PLPPR3: variants seen among roughly 807,000 people sequenced by gnomAD.
PLPPR3 encodes phospholipid phosphatase-related protein type 3.
PLPPR3 carries 14 observed loss-of-function variants against 27.3 expected under a neutral mutation model. The observed-to-expected ratio is 0.51, with a 90% CI of 0.34 to 0.80. The LOEUF (loss-of-function observed/expected upper bound fraction) is 0.80, where lower values mean the gene tolerates loss of function less well. Ranked by LOEUF, PLPPR3 falls within the 30% of genes least tolerant of loss-of-function variation. PLPPR3 has a pLI of 0.01. For synonymous variants in PLPPR3, 671 were observed against 508.0 expected (o/e 1.32, Z -4.32); for missense variants, 1,287 against 1,056.9 (o/e 1.22, Z -3.02).
rs369834825 is a variant in PLPPR3 at position 815,270 on chromosome 19, C to G, written c.319G>C (p.Gly107Arg). The change falls in exon 4 of 8, where the codon GGG becomes CGG. Residue 107 changes from glycine to arginine, a missense_variant. Transcript: ENST00000520876. ...CTGCCCTCCGCCCCGGCGGGCCCCC[C>G]GGCACGGCCCCACAGCCGGGACTGC... is the stretch of plus-strand genomic sequence containing the variant. ...CLQSRLWGRA[G>R]GPAGAEGSIN... 3.1e-5 allele frequency: 49 copies of G among 1,558,926 alleles called. No homozygotes were observed. The highest frequency in any genetic ancestry group is 1.7e-4 in the Middle Eastern group (1 of 5,998).
intron 2 of PLPPR3, among the ~76,000 whole-genome samples, chr19:816,829 C>T (rs896050768): frequency 6.6e-6 from 1 of 151,480 alleles, no homozygotes; most frequent in African/African-American, 2.4e-5. Flanking sequence ...CATCCATCAC[C>T]TAGCCATTCA....
intron 2 of PLPPR3, among the ~76,000 whole-genome samples, chr19:820,535 T>C (rs200391719): frequency 4.0e-5 from 6 of 148,202 alleles, no homozygotes; most frequent in African/African-American, 1.0e-4. Flanking sequence ...TTTTTTTTTT[T>C]CTAAGACAGG....
rs140837550 is a variant in PLPPR3, at chr19:815,199, C to T, written c.390G>A (p.Thr130=). Residue 130 remains threonine, a synonymous_variant, in exon 4 of 8, where the codon ACG becomes ACA. Transcript: ENST00000520876. ...GCNFNSFLRR[T]VRFVGVHVFG... ...CCCGCAACTCACCCACAAACCGCAC[C>T]GTACGCCGCAGGAAGGAGTTGAAGT... 124 of 1,603,650 alleles carry T rather than the reference C, an allele frequency of 7.7e-5. No individual in the cohort carries two copies. The African/African-American group carries it at 1.1e-3, about 14-fold the overall frequency.
intron 2 of PLPPR3, among the ~76,000 whole-genome samples, chr19:818,120 C>T (rs777469248): frequency 1.3e-5 from 2 of 152,200 alleles, no homozygotes; most frequent in Non-Finnish European, 2.9e-5. Flanking sequence ...CGGTGGCTCA[C>T]GCCTGTCATC....
Position 813,047 on chromosome 19 carries a change from G to A in PLPPR3, c.1680C>T (p.Ser560=), listed in dbSNP as rs556216289. 5.1e-5 allele frequency: 77 copies of A among 1,509,038 alleles called. No individual in the cohort carries two copies. The African/African-American group carries it at 9.4e-4, about 18-fold the overall frequency. 93.5% of individuals were successfully genotyped at this position (1,509,038 alleles called of 1,614,324 possible). Residue 560 remains serine, a synonymous_variant, in exon 8 of 8, where the codon TCC becomes TCT. Transcript: ENST00000520876. This position sits in a 1 kb window ranked among gnomAD's most constrained non-coding sequence, Gnocchi z 4.1. The stretch of plus-strand genomic sequence containing the variant: ...ACTGCGAGGAGTCGGAGCTGGCGCT[G>A]GACGACGACGCCGTCTCGGCCGCCT... ...GPKAAETASS[S]SASSDSSQYR... is the part of the protein sequence containing the mutation.
chr19:815,097 C>T lies in PLPPR3; in HGVS notation c.404-16G>A. 6.2e-7 allele frequency: 1 copy of T among 1,601,992 alleles called. No individual in the cohort carries two copies. Among genetic ancestry groups the T allele is most frequent in the Non-Finnish European group, 8.5e-7 (1 of 1,179,416 alleles). On this transcript the variant is annotated splice_polypyrimidine_tract_variant and intron_variant, in intron 4 of 7. Transcript: ENST00000520876. ...ACGTGGACACCTGCAGGGCGGAAGG[C>T]TCGGCCAGGCGGGGAGCTGGGGACC... is the stretch of plus-strand genomic sequence containing the variant.
rs1485108056 is a variant in PLPPR3 at position 814,613 on chromosome 19, G to A, written c.658-6C>T. The A allele has an allele frequency of 1.9e-6, 3 of 1,611,640 alleles. No homozygotes were observed. Among genetic ancestry groups the A allele is most frequent in the Admixed American group, 1.7e-5 (1 of 60,000 alleles). On this transcript the variant is annotated splice_region_variant and splice_polypyrimidine_tract_variant and intron_variant, in intron 6 of 7. Coordinates refer to ENST00000520876, the MANE Select transcript of PLPPR3 (RefSeq NM_001270366.2). ...ATGACCGAGTTGAAGTACATCTGGG[G>A]CATGGGGGTTGGGGTCAGGGAGGGC... is the stretch of plus-strand genomic sequence containing the variant.
In PLPPR3 at chr19:814,810, CTG is replaced by C. The variant is rs1177118842; in HGVS notation, c.600-63_600-62del. On this transcript the variant is annotated intron_variant, in intron 5 of 7. Coordinates refer to ENST00000520876, the MANE Select transcript of PLPPR3 (RefSeq NM_001270366.2). The stretch of plus-strand genomic sequence containing the variant: ...GGGGACCCCAGCTCCAGTGGCCTCT[CTG>C]TGTCTCTGTTTCCCCGCATGTTCAC... 47 of 1,567,220 alleles carry C rather than the reference CTG, an allele frequency of 3.0e-5. No individual in the cohort carries two copies. The African/African-American group carries it at 5.5e-4, about 18-fold the overall frequency.
At chr19:817,579 C>A (rs1384336454) in intron 2 of PLPPR3, among the ~76,000 whole-genome samples, 1 of 152,152 alleles carries the variant, frequency 6.6e-6, no homozygotes, top group Non-Finnish European at 1.5e-5. Flanking sequence ...CAGGCATGGC[C>A]CCAGTCGTAA....
chr19:813,847 C>A lies in PLPPR3; in HGVS notation c.880G>T (p.Ala294Ser). 1 of 1,467,734 alleles carries A rather than the reference C, an allele frequency of 6.8e-7. No homozygotes were observed. The highest frequency in any genetic ancestry group is 8.9e-7 in the Non-Finnish European group (1 of 1,118,682). 90.9% of individuals were successfully genotyped at this position (1,467,734 alleles called of 1,614,324 possible). ...NFQAPPAEKP[A>S]APAPAKDALR... ...GCGTCCTTGGCGGGGGCCGGGGCCGCGGGCTTCTCTGCAGGTGGGGCCTGG... is the reference window on the plus strand; with the variant it reads ...GCGTCCTTGGCGGGGGCCGGGGCCGAGGGCTTCTCTGCAGGTGGGGCCTGG... The change falls in exon 8 of 8, where the codon GCG becomes TCG. Residue 294 changes from alanine to serine, a missense_variant. Ala to Ser is a moderately conservative substitution (Grantham distance 99). Coordinates refer to ENST00000520876, the MANE Select transcript of PLPPR3 (RefSeq NM_001270366.2). The surrounding 1 kb of genome is among the most constrained non-coding windows in gnomAD (Gnocchi z 4.1).
chr19:816,311 A>C (rs1343718114), intron 2 of PLPPR3, among the ~76,000 whole-genome samples: 6 of 134,448 alleles, frequency 4.5e-5, no homozygotes, highest in African/African-American at 8.7e-5. Context: ...CTATCCACCC[A>C]CCCAACTGTC....
chr19:816,177 A>G (rs1418761703), intron 2 of PLPPR3, among the ~76,000 whole-genome samples: 1 of 147,700 alleles, frequency 6.8e-6, no homozygotes, highest in East Asian at 2.0e-4. Context: ...CCACCCACCC[A>G]TCATCTATCC....
Position 812,520 on chromosome 19 carries a change from G to C in PLPPR3, c.*50C>G. On this transcript the variant is annotated 3_prime_UTR_variant, in exon 8 of 8. Transcript: ENST00000520876. ...CTGCCGCTTTATTGAGCATCCGCGC[G>C]GCCGCCCGCGCCCTCGGCCCGCCCC... is the stretch of plus-strand genomic sequence containing the variant. 1.0e-6 allele frequency: 1 copy of C among 987,582 alleles called. No individual in the cohort carries two copies. Among genetic ancestry groups the C allele is most frequent in the Non-Finnish European group, 1.2e-6 (1 of 830,648 alleles). The allele number at this position is 987,582 out of a possible 1,614,324, so 61.2% of individuals were successfully genotyped here.
chr19:820,808 C>T (rs2035132324), intron 2 of PLPPR3, among the ~76,000 whole-genome samples: 2 of 152,062 alleles, frequency 1.3e-5, no homozygotes, highest in Admixed American at 1.3e-4. Flanking sequence ...CAGGCGTGAG[C>T]CACAGTGCCC....
At position 814,869 on chromosome 19, in the gene PLPPR3, T is replaced by C. The variant is rs201228006; in HGVS notation, c.599+17A>G. ...GGAAGAAGGCTCCCAGTCAGGGGAGTTGGGGGTCCGGCTCACCGTGCAGAC... is the reference window on the plus strand; with the variant it reads ...GGAAGAAGGCTCCCAGTCAGGGGAGCTGGGGGTCCGGCTCACCGTGCAGAC... On this transcript the variant is annotated intron_variant, in intron 5 of 7. Coordinates refer to ENST00000520876, the MANE Select transcript of PLPPR3 (RefSeq NM_001270366.2). 7.2e-4 allele frequency: 1,147 copies of C among 1,602,840 alleles called. 6 individuals are homozygous for C. Among genetic ancestry groups the C allele is most frequent in the Admixed American group, 2.9e-3 (176 of 59,856 alleles).
chr19:813,454 C>T lies in PLPPR3; in HGVS notation c.1273G>A (p.Asp425Asn), dbSNP rs767850752. The change falls in exon 8 of 8, where the codon GAC (aspartate) becomes AAC (asparagine). Residue 425 changes from aspartate to asparagine, a missense_variant. Coordinates refer to ENST00000520876, the MANE Select transcript of PLPPR3 (RefSeq NM_001270366.2). This position sits in a 1 kb window ranked among gnomAD's most constrained non-coding sequence, Gnocchi z 4.1. ...CGCAGGTGCCCGGGGCTGGCGTCGT[C>T]GGGCAGCCCCAGGCCGCGGCCCTCC... ...SLEGRGLGLP[D>N]DASPGHLRAP... is the part of the protein sequence containing the mutation. The T allele has an allele frequency of 6.5e-6, 10 of 1,530,196 alleles. No homozygotes were observed. Among genetic ancestry groups the T allele is most frequent in the South Asian group, 1.2e-5 (1 of 83,570 alleles). The allele number at this position is 1,530,196 out of a possible 1,614,324, so 94.8% of individuals were successfully genotyped here. A position where few individuals can be genotyped will look rare whatever the true frequency, so the allele number is the denominator to read the frequency against.
chr19:821,567 CG>C lies in PLPPR3; in HGVS notation c.-9del. ...CTCCTTGGTGGAGATCATGGTGCCGCGGGCGCCGCAGGCCGTGGCTGGAGGG... is the reference window on the plus strand; with the variant it reads ...CTCCTTGGTGGAGATCATGGTGCCGCGGCGCCGCAGGCCGTGGCTGGAGGG... On this transcript the variant is annotated 5_prime_UTR_variant, in exon 2 of 8. Transcript: ENST00000520876. 6.9e-7 allele frequency: 1 copy of C among 1,443,566 alleles called. No homozygotes were observed. Among genetic ancestry groups the C allele is most frequent in the Non-Finnish European group, 9.2e-7 (1 of 1,085,524 alleles). The allele number at this position is 1,443,566 out of a possible 1,614,324, so 89.4% of individuals were successfully genotyped here.
At position 815,377 on chromosome 19, in the gene PLPPR3, C is replaced by T. The variant is rs558161719; in HGVS notation, c.262-50G>A. ...GGCCTCGGTGCCCACAGGGAGGGGGCGCTCAGGCGGGCTCCCATCTGCAGT... is the reference window on the plus strand; with the variant it reads ...GGCCTCGGTGCCCACAGGGAGGGGGTGCTCAGGCGGGCTCCCATCTGCAGT... On this transcript the variant is annotated intron_variant, in intron 3 of 7. Coordinates refer to ENST00000520876, the MANE Select transcript of PLPPR3 (RefSeq NM_001270366.2). 1.3e-5 allele frequency: 20 copies of T among 1,493,920 alleles called. No homozygotes were observed. In the East Asian group the frequency reaches 2.0e-4, roughly 15 times the overall value. 92.5% of individuals were successfully genotyped at this position (1,493,920 alleles called of 1,614,324 possible).
At position 813,020 on chromosome 19, in the gene PLPPR3, G is replaced by A. The variant is rs772241279; in HGVS notation, c.1707C>T (p.Tyr569=). The A allele has an allele frequency of 2.8e-5, 42 of 1,519,210 alleles. 1 individual carries two copies. In the South Asian group the frequency reaches 3.1e-4, roughly 11 times the overall value. The allele number at this position is 1,519,210 out of a possible 1,614,324, so 94.1% of individuals were successfully genotyped here. The change falls in exon 8 of 8, where the codon TAC becomes TAT. Residue 569 remains tyrosine (Y), a synonymous_variant. Transcript: ENST00000520876. This position sits in a 1 kb window ranked among gnomAD's most constrained non-coding sequence, Gnocchi z 4.1. ...CGGAGTCGCGGTCCGACGGCGACCG[G>A]TACTGCGAGGAGTCGGAGCTGGCGC... is the stretch of plus-strand genomic sequence containing the variant. ...SSSASSDSSQ[Y]RSPSDRDSAS...
Sources: allele counts gnomAD v4.1 joint callset (sites outside exome capture counted in the v4.1 genomes callset), GRCh38; gene constraint gnomAD v4.1.1; non-coding constraint Gnocchi (gnomAD v3.1); transcripts MANE v1.5; gene names NCBI Gene and HGNC (gene_info 2026-07-23, HGNC 2026-07-21).